SMCHD1: variants seen among roughly 807,000 people sequenced by gnomAD.
The protein encoded by SMCHD1 is structural maintenance of chromosomes flexible hinge domain-containing protein 1.
Under a neutral mutation model 254.7 loss-of-function variants are expected in SMCHD1, and 78 were observed. That is an observed-to-expected ratio of 0.31 (90% CI 0.26 to 0.37). The LOEUF (loss-of-function observed/expected upper bound fraction) is 0.37. SMCHD1 is among the 10% of genes least tolerant of loss of function. The pLI is 1.00. For missense variants in SMCHD1, 1,840 were observed against 2,408.1 expected (o/e 0.76, Z 4.94); for synonymous variants, 766 against 794.9 (o/e 0.96, Z 0.61).
intron 41 of SMCHD1, among the ~76,000 whole-genome samples, chr18:2,775,242 A>G (rs893619253): frequency 2.0e-5 from 3 of 151,778 alleles, no homozygotes; most frequent in African/African-American, 7.3e-5. Flanking sequence ...TGATGTTTAG[A>G]TTTGTTTTCT....
At chr18:2,763,966 A>G in intron 37 of SMCHD1, 177 bp downstream of exon 37, 1 of 556,692 alleles carries the variant, frequency 1.8e-6, no homozygotes, top group Non-Finnish European at 3.0e-6. Context: ...CAAGATCTTT[A>G]TAAGTAAGAC....
chr18:2,758,998 C>T (rs2075732809), intron 34 of SMCHD1, among the ~76,000 whole-genome samples: 1 of 152,064 alleles, frequency 6.6e-6, no homozygotes, highest in African/African-American at 2.4e-5. Flanking sequence ...TCAGTGACAT[C>T]TGATTTTCTG....
At chr18:2,704,013 A>G in intron 13 of SMCHD1, 127 bp downstream of exon 13, 1 of 660,902 alleles carries the variant, frequency 1.5e-6, no homozygotes, top group Non-Finnish European at 2.4e-6. Context: ...CTCACATTTC[A>G]TGAAGAACAT....
At chr18:2,694,763 T>C in intron 8 of SMCHD1, 70 bp downstream of exon 8, 3 of 1,313,196 alleles carry the variant, frequency 2.3e-6, no homozygotes, top group Non-Finnish European at 3.2e-6. Context: ...ATTACAGATA[T>C]ATTGAAGCCT....
At chr18:2,697,265 A>G in intron 9 of SMCHD1, 143 bp downstream of exon 9, 1 of 502,512 alleles carries the variant, frequency 2.0e-6, no homozygotes, top group Non-Finnish European at 3.6e-6. Context: ...ATTGTTTGAT[A>G]TCCAACTAAA....
Position 2,703,740 on chromosome 18 carries a change from T to A in SMCHD1, c.1696T>A (p.Cys566Ser), listed in dbSNP as rs767119002. The change falls in exon 13 of 48, where the codon TGT becomes AGT. Residue 566 changes from cysteine (C) to serine (S), a missense_variant. Physicochemically the swap from Cys to Ser is moderately radical, Grantham distance 112. This residue lies in a region of SMCHD1 where 498 missense variants were observed against 743.5 expected (regional missense o/e 0.67). Transcript: ENST00000320876. ...DREFALWLKD[C>S]HEKYDKQIKF... is the part of the protein sequence containing the mutation. ...AGAATTTGCTTTGTGGCTGAAGGAC[T>A]GTCATGAGAAGTATGATAAACAAAT... The A allele has an allele frequency of 6.2e-7, 1 of 1,610,408 alleles. No homozygotes were observed. Among genetic ancestry groups the A allele is most frequent in the Non-Finnish European group, 8.5e-7 (1 of 1,178,766 alleles).
intron 5 of SMCHD1, among the ~76,000 whole-genome samples, chr18:2,677,666 G>T (rs375943640): frequency 3.3e-5 from 5 of 152,216 alleles, no homozygotes; most frequent in African/African-American, 1.2e-4. Flanking sequence ...TCGCTCTGTC[G>T]TTCAGGCTGG....
At chr18:2,660,251 G>C (rs927761547) in intron 1 of SMCHD1, among the ~76,000 whole-genome samples, 2 of 152,070 alleles carry the variant, frequency 1.3e-5, no homozygotes, top group African/African-American at 2.4e-5. Context: ...CTTGAACCCG[G>C]GAGTCGGAAG....
Position 2,728,573 on chromosome 18 carries a change from C to T in SMCHD1, c.2890C>T (p.Pro964Ser). Residue 964 changes from proline (P) to serine (S), a missense_variant, in exon 23 of 48, where the codon CCA becomes TCA. Around this residue, in one of 9 missense-constraint regions of SMCHD1, gnomAD observed 881 missense variants for 1,009.5 expected, o/e 0.87. Transcript: ENST00000320876. Reference protein sequence around the residue: ...LDESDNITAQPKLIVHCKFSG... With the variant: ...LDESDNITAQSKLIVHCKFSG... ...TGAATCAGACAACATAACAGCACAACCAAAATTGATTGTTCATTGTAAGGT... is the reference window on the plus strand; with the variant it reads ...TGAATCAGACAACATAACAGCACAATCAAAATTGATTGTTCATTGTAAGGT... 1.2e-6 allele frequency: 2 copies of T among 1,612,384 alleles called. No homozygotes were observed. Among genetic ancestry groups the T allele is most frequent in the Non-Finnish European group, 8.5e-7 (1 of 1,179,192 alleles).
intron 24 of SMCHD1, among the ~76,000 whole-genome samples, chr18:2,729,709 C>CTTTTTTTTTTTT (rs72203094): frequency 7.1e-6 from 1 of 140,476 alleles, no homozygotes; most frequent in Non-Finnish European, 1.6e-5. Context: ...TATTCTTTCG[C>CTTTTTTTTTTTT]TTTTTTTTTT....
Position 2,779,635 on chromosome 18 carries a change from A to T in SMCHD1, c.5547+1396A>T, listed in dbSNP as rs145766909. ...GATGATCTAGGACGAGTGAGAATAG[A>T]TGAGAGACCTTAAGCTGAGAACAAA... On this transcript the variant is annotated intron_variant, in intron 44 of 47. Transcript: ENST00000320876. 2.6e-5 allele frequency among the ~76,000 whole-genome samples: 4 copies of T among 152,248 alleles called. No homozygotes were observed. The East Asian group carries it at 7.7e-4, about 29-fold the overall frequency.
intron 44 of SMCHD1, among the ~76,000 whole-genome samples, chr18:2,783,931 A>G (rs141220828): frequency 6.6e-6 from 1 of 152,256 alleles, no homozygotes; most frequent in East Asian, 1.9e-4. Context: ...CAGTTTTTCT[A>G]CATTATTTCA....
At chr18:2,771,765 T>A in intron 40 of SMCHD1, 147 bp downstream of exon 40, 1 of 599,844 alleles carries the variant, frequency 1.7e-6, no homozygotes, top group Non-Finnish European at 2.7e-6. Context: ...TAAAAATGAC[T>A]AACAAAATGA....
At chr18:2,711,250 G>A (rs1225535499) in intron 17 of SMCHD1, among the ~76,000 whole-genome samples, 1 of 147,540 alleles carries the variant, frequency 6.8e-6, no homozygotes, top group Non-Finnish European at 1.5e-5. Flanking sequence ...ACTGCCCTGA[G>A]CCACCATGGC....
chr18:2,768,923 G>A (rs2075926069), intron 37 of SMCHD1, among the ~76,000 whole-genome samples: 1 of 151,888 alleles, frequency 6.6e-6, no homozygotes, highest in South Asian at 2.1e-4. Context: ...TATATTCTTT[G>A]GGAAAAAGTC....
chr18:2,768,642 G>GTACACTA (rs368515188), intron 37 of SMCHD1, among the ~76,000 whole-genome samples: 1 of 104,004 alleles, frequency 9.6e-6, no homozygotes, highest in African/African-American at 3.0e-5. Context: ...AGTATATATA[G>GTACACTA]TATACAGTAT....
At position 2,789,210 on chromosome 18, in the gene SMCHD1, T is replaced by TA. The variant is rs1568393748; in HGVS notation, c.5719+4589_5719+4590insA. Among the ~76,000 whole-genome samples, 4 of 149,914 alleles carry TA rather than the reference T, an allele frequency of 2.7e-5. No homozygotes were observed. In the East Asian group the frequency reaches 7.8e-4, roughly 29 times the overall value. On this transcript the variant is annotated intron_variant, in intron 45 of 47. Coordinates refer to ENST00000320876, the MANE Select transcript of SMCHD1 (RefSeq NM_015295.3). ...TAATTTTTTTGTATTATTATTATTT[T>TA]TTTTTTTTTTTGGTAGACATGGGGT...
chr18:2,688,155 G>T (rs1225017854), intron 5 of SMCHD1, among the ~76,000 whole-genome samples: 1 of 152,192 alleles, frequency 6.6e-6, no homozygotes, highest in Admixed American at 6.5e-5. Flanking sequence ...TGATTTAGTA[G>T]GATTGAGCCC....
chr18:2,724,840 C>A, intron 20 of SMCHD1, 59 bp from the exon 21 acceptor site: 1 of 884,942 alleles, frequency 1.1e-6, no homozygotes, highest in South Asian at 2.4e-5. Context: ...AGCAAAAACA[C>A]ATTTGCAGCT....
Sources: allele counts gnomAD v4.1 joint callset (sites outside exome capture counted in the v4.1 genomes callset), GRCh38; gene constraint gnomAD v4.1.1; regional missense constraint gnomAD v4.1.1; transcripts MANE v1.5; gene names NCBI Gene and HGNC (gene_info 2026-07-23, HGNC 2026-07-21).